The following RFX3 variants were observed in gnomAD, a reference collection of about 807,000 sequenced individuals.
The protein encoded by RFX3 is transcription factor RFX3.
In RFX3, 14 loss-of-function variants were observed where a neutral mutation model predicts 98.6. The ratio of observed to expected loss-of-function variants is 0.14; its 90% CI spans 0.09 to 0.22. The LOEUF (loss-of-function observed/expected upper bound fraction) is 0.22. RFX3 is among the 10% of genes least tolerant of loss of function. RFX3 has a pLI of 1.00. For missense variants in RFX3, 639 were observed against 926.9 expected (o/e 0.69, Z 4.03); for synonymous variants, 383 against 328.4 (o/e 1.17, Z -1.80).
At chr9:3,420,226 G>C (rs1006067549) in intron 1 of RFX3, among the ~76,000 whole-genome samples, 1 of 152,166 alleles carries the variant, frequency 6.6e-6, no homozygotes, top group African/African-American at 2.4e-5. Flanking sequence ...CCACTTGGGA[G>C]AATGATCAAG....
intron 1 of RFX3, among the ~76,000 whole-genome samples, chr9:3,456,795 TG>T (rs1847197738): frequency 6.6e-6 from 1 of 152,106 alleles, no homozygotes; most frequent in East Asian, 1.9e-4. Context: ...AGGAAGCCCA[TG>T]TGGTCCCTAG....
At chr9:3,301,668 A>T (rs776485416) in intron 4 of RFX3, 48 bp from the exon 5 acceptor site, 1 of 1,328,016 alleles carries the variant, frequency 7.5e-7, no homozygotes, top group Non-Finnish European at 1.1e-6. Context: ...AGATAGTAAT[A>T]AAAGGCTGAC....
intron 7 of RFX3, among the ~76,000 whole-genome samples, chr9:3,280,606 C>G (rs531270506): frequency 2.0e-5 from 3 of 151,882 alleles, no homozygotes; most frequent in African/African-American, 7.2e-5. Flanking sequence ...ACAGGCTAAA[C>G]AAATACCAGT....
intron 1 of RFX3, among the ~76,000 whole-genome samples, chr9:3,408,122 G>C (rs762198261): frequency 1.3e-5 from 2 of 152,148 alleles, no homozygotes; most frequent in Non-Finnish European, 2.9e-5. Context: ...GTTTCAGTGA[G>C]CCTCTGGCAC....
At chr9:3,282,320 A>G (rs1242761611) in intron 7 of RFX3, among the ~76,000 whole-genome samples, 1 of 151,776 alleles carries the variant, frequency 6.6e-6, no homozygotes, top group Non-Finnish European at 1.5e-5. Flanking sequence ...TCTAACATCA[A>G]CCATGCTGGT....
At chr9:3,429,918 C>T (rs1383612504) in intron 1 of RFX3, among the ~76,000 whole-genome samples, 7 of 152,184 alleles carry the variant, frequency 4.6e-5, no homozygotes, top group Non-Finnish European at 7.3e-5. Context: ...TTCCAACCCA[C>T]GGCCCACTTG....
intron 2 of RFX3, among the ~76,000 whole-genome samples, chr9:3,359,272 T>C (rs1836140357): frequency 6.6e-6 from 1 of 152,182 alleles, no homozygotes; most frequent in Non-Finnish European, 1.5e-5. Flanking sequence ...TACCTCATTC[T>C]ACCAGTGAGA....
chr9:3,354,372 A>C (rs1419254377), intron 2 of RFX3, among the ~76,000 whole-genome samples: 3 of 151,986 alleles, frequency 2.0e-5, no homozygotes, highest in Non-Finnish European at 4.4e-5. Context: ...GCAAGACCCC[A>C]TCTCTACCAA....
intron 4 of RFX3, among the ~76,000 whole-genome samples, chr9:3,317,848 C>T (rs1830803371): frequency 3.9e-5 from 6 of 152,218 alleles, no homozygotes; most frequent in Admixed American, 2.6e-4. Flanking sequence ...GTTAGAATGG[C>T]GATCATTAAA....
At chr9:3,396,938 G>C (rs1039240297) in intron 1 of RFX3, among the ~76,000 whole-genome samples, 3 of 152,084 alleles carry the variant, frequency 2.0e-5, no homozygotes, top group East Asian at 1.9e-4. Flanking sequence ...CCTAAACTTA[G>C]CCAAAGAATC....
chr9:3,228,774 T>A (rs1196021291), intron 16 of RFX3, 73 bp downstream of exon 16: 1 of 1,232,882 alleles, frequency 8.1e-7, no homozygotes, highest in Non-Finnish European at 1.2e-6. Flanking sequence ...TGTAAACATA[T>A]ACCGTATTTT....
chr9:3,443,088 G>A (rs151299329), intron 1 of RFX3, among the ~76,000 whole-genome samples: 158 of 152,126 alleles, frequency 1.0e-3, no homozygotes, highest in African/African-American at 3.5e-3. Flanking sequence ...GATATAAAGT[G>A]ACAAATAAGC....
chr9:3,298,293 T>G (rs915168922), intron 5 of RFX3, among the ~76,000 whole-genome samples: 26 of 151,854 alleles, frequency 1.7e-4, no homozygotes, highest in African/African-American at 6.3e-4. Context: ...GACCATACAT[T>G]CTTTACTCAG....
Position 3,223,254 on chromosome 9 carries a change from A to C in RFX3, c.*1788T>G, listed in dbSNP as rs1817446926. ...GTGCCTTTCTTGTGTTTTAATCATTAAATAATTTGAGTGCTTAAAAGAACC... is the reference window on the plus strand; with the variant it reads ...GTGCCTTTCTTGTGTTTTAATCATTCAATAATTTGAGTGCTTAAAAGAACC... On this transcript the variant is annotated 3_prime_UTR_variant, in exon 17 of 17. Coordinates refer to ENST00000617270, the MANE Select transcript of RFX3 (RefSeq NM_001282116.2). 1 of 152,164 alleles carries C rather than the reference A, an allele frequency of 6.6e-6. No homozygotes were observed. 9.4% of individuals were successfully genotyped at this position (152,164 alleles called of 1,614,324 possible).
intron 1 of RFX3, among the ~76,000 whole-genome samples, chr9:3,423,789 A>ATC (rs1554704338): frequency 4.4e-4 from 54 of 123,490 alleles, no homozygotes; most frequent in African/African-American, 2.2e-3. Context: ...ATATATATAT[A>ATC]TATATATATA....
chr9:3,383,420 AG>A (rs1839399167), intron 2 of RFX3, among the ~76,000 whole-genome samples: 1 of 152,128 alleles, frequency 6.6e-6, no homozygotes, highest in Admixed American at 6.6e-5. Context: ...TGCCATGTTT[AG>A]TACAGCTGTC....
chr9:3,418,776 T>C (rs1411990083), intron 1 of RFX3, among the ~76,000 whole-genome samples: 1 of 152,218 alleles, frequency 6.6e-6, no homozygotes, highest in Non-Finnish European at 1.5e-5. Flanking sequence ...AATAAGTTGC[T>C]TAGAATTCAT....
At chr9:3,427,871 G>C (rs1049133250) in intron 1 of RFX3, among the ~76,000 whole-genome samples, 1 of 152,052 alleles carries the variant, frequency 6.6e-6, no homozygotes, top group African/African-American at 2.4e-5. Context: ...TTTCTGTGCA[G>C]CCTTCACCCT....
Position 3,342,962 on chromosome 9 carries a change from T to C in RFX3, c.215+3705A>G, listed in dbSNP as rs545541218. Reference sequence around the variant, plus strand: ...CTCCCTTGAGCAAAAAGGTACTCTATTCCAACACACAGTGCTGTAAAGCAG... The same window carrying C: ...CTCCCTTGAGCAAAAAGGTACTCTACTCCAACACACAGTGCTGTAAAGCAG... On this transcript the variant is annotated intron_variant, in intron 3 of 16. Transcript: ENST00000617270. 3.9e-5 allele frequency among the ~76,000 whole-genome samples: 6 copies of C among 152,326 alleles called. No individual in the cohort carries two copies. In the South Asian group the frequency reaches 1.2e-3, roughly 32 times the overall value.
Sources: allele counts gnomAD v4.1 joint callset (sites outside exome capture counted in the v4.1 genomes callset), GRCh38; gene constraint gnomAD v4.1.1; transcripts MANE v1.5; gene names NCBI Gene and HGNC (gene_info 2026-07-23, HGNC 2026-07-21).